VAT1L: variants seen among roughly 807,000 people sequenced by gnomAD.
VAT1L encodes putative NADPH-dependent quinone oxidoreductase VAT1L.
In VAT1L, 34 loss-of-function variants were observed where a neutral mutation model predicts 44.1. The ratio of observed to expected loss-of-function variants is 0.77; its 90% CI spans 0.59 to 1.03. The LOEUF (loss-of-function observed/expected upper bound fraction) is 1.03. Among genes scored for constraint, VAT1L ranks in the 50% least tolerant of loss-of-function variants. The probability of loss-of-function intolerance (pLI) is 0.00; values close to 1 mark genes in which losing one functional copy is unlikely to be tolerated. For missense variants in VAT1L, 615 were observed against 538.8 expected, an observed-to-expected ratio of 1.14 and a Z score of -1.40; for synonymous variants, 253 against 202.2, an observed-to-expected ratio of 1.25 and a Z score of -2.13.
At chr16:77,942,377 C>A (rs117646985) in intron 7 of VAT1L, among the ~76,000 whole-genome samples, 1,815 of 152,220 alleles carry the variant, frequency 0.012, 15 homozygotes, top group Non-Finnish European at 0.018. Flanking sequence ...ATTGTGGGAA[C>A]TGCAATTCAA....
chr16:77,904,447 T>A (rs2017419158), intron 7 of VAT1L, among the ~76,000 whole-genome samples: 1 of 152,166 alleles, frequency 6.6e-6, no homozygotes, highest in Admixed American at 6.5e-5. Context: ...GCTAATTTGG[T>A]TCCTGGTAAG....
At chr16:77,819,458 T>C (rs1353960510) in intron 2 of VAT1L, among the ~76,000 whole-genome samples, 1 of 152,194 alleles carries the variant, frequency 6.6e-6, no homozygotes, top group East Asian at 1.9e-4. Context: ...CTCAGCTCAC[T>C]GCAATCTCTG....
intron 7 of VAT1L, among the ~76,000 whole-genome samples, chr16:77,930,723 G>A (rs906404134): frequency 1.3e-5 from 2 of 152,146 alleles, no homozygotes; most frequent in Admixed American, 6.5e-5. Context: ...CCCAGGAAAT[G>A]GACATCTCCT....
At chr16:77,915,667 A>C (rs1398307788) in intron 7 of VAT1L, among the ~76,000 whole-genome samples, 2 of 152,214 alleles carry the variant, frequency 1.3e-5, no homozygotes, top group East Asian at 3.9e-4. Context: ...TTGGTGTTCC[A>C]TCACTACAGC....
chr16:77,801,400 C>T (rs548718114), intron 1 of VAT1L: 14 of 152,210 alleles, frequency 9.2e-5, no homozygotes, highest in African/African-American at 2.6e-4. Context: ...AAGAACGTTC[C>T]GCAATAAGAA....
At chr16:77,896,621 A>G (rs1252755019) in intron 7 of VAT1L, among the ~76,000 whole-genome samples, 1 of 152,220 alleles carries the variant, frequency 6.6e-6, no homozygotes, top group African/African-American at 2.4e-5. Flanking sequence ...AACACAGGAT[A>G]TGCCCCGCGA....
intron 1 of VAT1L, among the ~76,000 whole-genome samples, chr16:77,802,045 C>T (rs1469415093): frequency 6.6e-6 from 1 of 152,180 alleles, no homozygotes; most frequent in Non-Finnish European, 1.5e-5. Context: ...GAGAGACAGA[C>T]AGTCCATGTC....
chr16:77,894,898 T>A (rs1365911862), intron 7 of VAT1L, among the ~76,000 whole-genome samples: 1 of 152,064 alleles, frequency 6.6e-6, no homozygotes, highest in Non-Finnish European at 1.5e-5. Context: ...CAATCCTTAT[T>A]AATATCCTAG....
At chr16:77,968,594 A>G (rs1243590696) in intron 7 of VAT1L, among the ~76,000 whole-genome samples, 1 of 151,214 alleles carries the variant, frequency 6.6e-6, no homozygotes, top group Non-Finnish European at 1.5e-5. Flanking sequence ...GCGTGGTGGC[A>G]GGCGCCTGTA....
At position 77,977,657 on chromosome 16, in the gene VAT1L, G is replaced by A. The variant is rs772561655; in HGVS notation, c.1222G>A (p.Asp408Asn). ...AGEEEEDHEGDSENKERMPFI... is the reference protein window; with the variant it reads ...AGEEEEDHEGNSENKERMPFI... ...GGAAGAGGAGGAGGACCACGAGGGA[G>A]ACAGCGAGAACAAGGAGCGGATGCC... is the stretch of plus-strand genomic sequence containing the variant. Residue 408 changes from aspartate (D) to asparagine (N), a missense_variant, in exon 9 of 9, where the codon GAC becomes AAC. Asp to Asn is a conservative substitution (Grantham distance 23, BLOSUM62 1). Transcript: ENST00000302536. The A allele has an allele frequency of 1.9e-6, 3 of 1,614,142 alleles. No homozygotes were observed. Among genetic ancestry groups the A allele is most frequent in the East Asian group, 2.2e-5 (1 of 44,870 alleles).
At chr16:77,909,508 G>T (rs563225379) in intron 7 of VAT1L, among the ~76,000 whole-genome samples, 1 of 151,906 alleles carries the variant, frequency 6.6e-6, no homozygotes, top group African/African-American at 2.4e-5. Context: ...GTGGTGGTGT[G>T]TGCCTCTAAT....
At chr16:77,900,673 C>T (rs1009954788) in intron 7 of VAT1L, among the ~76,000 whole-genome samples, 1 of 146,416 alleles carries the variant, frequency 6.8e-6, no homozygotes, top group Non-Finnish European at 1.5e-5. Context: ...CCAGCCTCAG[C>T]AGCAGAGTGA....
intron 3 of VAT1L, among the ~76,000 whole-genome samples, chr16:77,851,425 G>C (rs985754311): frequency 6.6e-6 from 1 of 152,178 alleles, no homozygotes; most frequent in African/African-American, 2.4e-5. Flanking sequence ...GAGGTGAAAG[G>C]ATTGCTTGAG....
intron 3 of VAT1L, among the ~76,000 whole-genome samples, 193 bp downstream of exon 3, chr16:77,825,654 C>G (rs1227565708): frequency 1.3e-5 from 2 of 152,014 alleles, no homozygotes; most frequent in Non-Finnish European, 2.9e-5. Flanking sequence ...GATGGTTTCT[C>G]TGGAGTTTTG....
intron 3 of VAT1L, among the ~76,000 whole-genome samples, chr16:77,858,585 C>G (rs1367179230): frequency 6.6e-6 from 1 of 152,116 alleles, no homozygotes; most frequent in Non-Finnish European, 1.5e-5. Context: ...GACGAGTGAA[C>G]AGAGGTGCCA....
chr16:77,812,795 C>T (rs1230988978), intron 1 of VAT1L, among the ~76,000 whole-genome samples: 1 of 152,172 alleles, frequency 6.6e-6, no homozygotes, highest in East Asian at 1.9e-4. Context: ...AAACCTCTAT[C>T]TTCATTCCTT....
At chr16:77,970,048 T>C (rs1373925857) in intron 7 of VAT1L, among the ~76,000 whole-genome samples, 4 of 66,304 alleles carry the variant, frequency 6.0e-5, no homozygotes, top group Non-Finnish European at 8.5e-5. Context: ...ACCACATCTC[T>C]ACTAAAAAAA....
At chr16:77,800,752 T>TGTATATTTAATGCTCCCAC (rs1338150886) in intron 1 of VAT1L, 1 of 152,230 alleles carries the variant, frequency 6.6e-6, no homozygotes, top group African/African-American at 2.4e-5. Context: ...CATGCTACCT[T>TGTATATTTAATGCTCCCAC]GTATATTTAA....
intron 7 of VAT1L, among the ~76,000 whole-genome samples, chr16:77,969,998 G>C (rs2018261650): frequency 7.2e-6 from 1 of 138,066 alleles, no homozygotes; most frequent in African/African-American, 2.7e-5. Flanking sequence ...AGGATCACTT[G>C]AGGCCAACAG....
Sources: allele counts gnomAD v4.1 joint callset (sites outside exome capture counted in the v4.1 genomes callset), GRCh38; gene constraint gnomAD v4.1.1; transcripts MANE v1.5; gene names NCBI Gene and HGNC (gene_info 2026-07-23, HGNC 2026-07-21).